The following NRG4 variants were observed in gnomAD, a reference collection of about 807,000 sequenced individuals.
NRG4 encodes the protein pro-neuregulin-4, membrane-bound isoform.
A neutral mutation model predicts 15.0 loss-of-function variants in NRG4; 10 were observed. That is an observed-to-expected ratio of 0.67 (90% CI 0.41 to 1.13). The LOEUF (loss-of-function observed/expected upper bound fraction) is 1.13. Among genes scored for constraint, NRG4 ranks in the 50% most tolerant of loss-of-function variants. The pLI is 0.00. For synonymous variants in NRG4, 41 were observed against 50.1 expected (o/e 0.82, Z 0.77); for missense variants, 139 against 140.2 (o/e 0.99, Z 0.04).
upstream of NRG4, among the ~76,000 whole-genome samples, chr15:76,016,527 G>C (rs889462950): frequency 3.3e-5 from 5 of 152,088 alleles, no homozygotes; most frequent in African/African-American, 1.2e-4. Flanking sequence ...AGAGATTCTG[G>C]TACATTGTTT....
intron 4 of NRG4, 88 bp from the exon 5 acceptor site, chr15:75,956,099 A>G (rs1181324620): frequency 1.7e-5 from 12 of 714,666 alleles, no homozygotes; most frequent in Non-Finnish European, 2.7e-5. Flanking sequence ...TTTTTTTTTT[A>G]ATTTCCCTTC....
intron 4 of NRG4, among the ~76,000 whole-genome samples, chr15:76,049,275 TCTC>T (rs2035942608): frequency 6.6e-6 from 1 of 150,662 alleles, no homozygotes; most frequent in African/African-American, 2.5e-5. Flanking sequence ...ATCCTTAACA[TCTC>T]CTTGCTTACA....
At chr15:76,033,765 A>G (rs1311282132) in intron 5 of NRG4, among the ~76,000 whole-genome samples, 1 of 152,214 alleles carries the variant, frequency 6.6e-6, no homozygotes, top group African/African-American at 2.4e-5. Context: ...ATCACATCTA[A>G]GGTCAAACCC....
chr15:75,987,245 G>A (rs1032919933), intron 3 of NRG4, among the ~76,000 whole-genome samples: 25 of 152,144 alleles, frequency 1.6e-4, no homozygotes, highest in Admixed American at 1.5e-3. Context: ...AGAGTAAAAG[G>A]CTGCTCCCAA....
intron 4 of NRG4, among the ~76,000 whole-genome samples, chr15:76,039,399 G>C (rs1478875045): frequency 6.6e-6 from 1 of 152,156 alleles, no homozygotes; most frequent in Non-Finnish European, 1.5e-5. Flanking sequence ...AATTCTATCA[G>C]ATAAATTTAA....
intron 5 of NRG4, among the ~76,000 whole-genome samples, chr15:76,031,905 T>C (rs1486640161): frequency 5.3e-5 from 8 of 152,096 alleles, no homozygotes; most frequent in Non-Finnish European, 1.0e-4. Flanking sequence ...AGAATAAAGC[T>C]GTAATTATTC....
downstream of NRG4, chr15:75,940,084 T>C (rs2030780879): frequency 6.7e-6 from 1 of 149,502 alleles, no homozygotes; most frequent in African/African-American, 2.5e-5. Context: ...AATGATATGA[T>C]CTTTAGACAA....
chr15:75,980,109 T>A (rs8030102), intron 3 of NRG4, among the ~76,000 whole-genome samples: 9,214 of 152,238 alleles, frequency 0.061, 576 homozygotes, highest in African/African-American at 0.17. Context: ...AAAATACATA[T>A]ATGAGAAAGA....
rs2035906757 is a variant in NRG4 at position 76,047,748 on chromosome 15, A to G, written c.-105+4319T>C. On this transcript the variant is annotated intron_variant, in intron 4 of 8. Coordinates refer to the NRG4 transcript ENST00000563910. ...ATATTTTACCTCAAAAAAAGTGAAA[A>G]AAAATAGTGTATAGTTGCAGTCTCT... Among the ~76,000 whole-genome samples, 3 of 151,218 alleles carry G rather than the reference A, an allele frequency of 2.0e-5. 1 individual carries two copies. The highest frequency in any genetic ancestry group is 7.4e-5 in the African/African-American group (3 of 40,624).
At chr15:76,015,774 C>T (rs369725788), upstream of NRG4, among the ~76,000 whole-genome samples, 81 of 152,210 alleles carry the variant, frequency 5.3e-4, 4 homozygotes, top group South Asian at 0.015. Context: ...ATTTTCACAT[C>T]GATATTCATC....
intron 4 of NRG4, among the ~76,000 whole-genome samples, chr15:75,960,832 AT>A (rs1379893884): frequency 6.6e-6 from 1 of 152,190 alleles, no homozygotes; most frequent in African/African-American, 2.4e-5. Flanking sequence ...TTGTATTTAA[AT>A]TTTTGTATCT....
At chr15:75,978,785 G>A (rs994322854) in intron 3 of NRG4, among the ~76,000 whole-genome samples, 15 of 152,190 alleles carry the variant, frequency 9.9e-5, no homozygotes, top group African/African-American at 3.4e-4. Flanking sequence ...TTTCCCCTAT[G>A]GTTAGCGATG....
At chr15:75,984,891 C>A (rs1451949663) in intron 3 of NRG4, among the ~76,000 whole-genome samples, 2 of 152,140 alleles carry the variant, frequency 1.3e-5, no homozygotes, top group Non-Finnish European at 2.9e-5. Flanking sequence ...GTCACCCAGG[C>A]TAGAATGCAG....
chr15:75,992,795 C>T (rs1164955682), intron 3 of NRG4, among the ~76,000 whole-genome samples: 4 of 152,018 alleles, frequency 2.6e-5, no homozygotes, highest in Non-Finnish European at 4.4e-5. Flanking sequence ...GCTTCTTTGA[C>T]TTAGCATAAT....
intron 3 of NRG4, among the ~76,000 whole-genome samples, chr15:75,984,773 A>G (rs1043354615): frequency 6.6e-6 from 1 of 152,104 alleles, no homozygotes; most frequent in East Asian, 1.9e-4. Context: ...GTATCCCAGA[A>G]CTTAAAGTAT....
chr15:76,055,444 T>C (rs1195558962), intron 2 of NRG4, among the ~76,000 whole-genome samples: 2 of 152,244 alleles, frequency 1.3e-5, no homozygotes, highest in African/African-American at 4.8e-5. Flanking sequence ...AAAATCACTG[T>C]GCTACCATTG....
At chr15:76,044,729 G>A (rs2035829040) in intron 4 of NRG4, among the ~76,000 whole-genome samples, 1 of 149,442 alleles carries the variant, frequency 6.7e-6, no homozygotes, top group South Asian at 2.1e-4. Flanking sequence ...CAGCTACTTG[G>A]GAGGCTGAGG....
chr15:75,998,209 T>C (rs2034282086), intron 3 of NRG4, among the ~76,000 whole-genome samples: 1 of 152,200 alleles, frequency 6.6e-6, no homozygotes, highest in African/African-American at 2.4e-5. Flanking sequence ...AAAATCTCAG[T>C]GAACAAAAAA....
At chr15:76,020,639 G>A (rs921742809) in intron 5 of NRG4, among the ~76,000 whole-genome samples, 2 of 152,206 alleles carry the variant, frequency 1.3e-5, no homozygotes, top group Admixed American at 6.5e-5. Context: ...AATGTTTTAA[G>A]AAGTTTATGA....
Sources: allele counts gnomAD v4.1 joint callset (sites outside exome capture counted in the v4.1 genomes callset), GRCh38; gene constraint gnomAD v4.1.1; transcripts MANE v1.5; gene names NCBI Gene and HGNC (gene_info 2026-07-23, HGNC 2026-07-21).